RASAL2: variants seen among roughly 807,000 people sequenced by gnomAD.
RASAL2 encodes ras GTPase-activating protein nGAP.
RASAL2 carries 58 observed loss-of-function variants against 128.9 expected under a neutral mutation model. The ratio of observed to expected loss-of-function variants is 0.45; its 90% confidence interval spans 0.36 to 0.56. RASAL2 has a LOEUF of 0.56. Among genes scored for constraint, RASAL2 ranks in the 20% least tolerant of loss-of-function variants. RASAL2 has a pLI of 0.00. For synonymous variants in RASAL2, 561 were observed against 580.8 expected, an observed-to-expected ratio of 0.97 and a Z score of 0.49; for missense variants, 1,360 against 1,601.6, an observed-to-expected ratio of 0.85 and a Z score of 2.57.
chr1:178,246,785 GAATTTTATCAAAAGCTTTTTCTGC>G (rs574595403), intron 1 of RASAL2, among the ~76,000 whole-genome samples: 169 of 152,196 alleles, frequency 1.1e-3, no homozygotes, highest in African/African-American at 4.0e-3. Context: ...AAGGGGTTTT[GAATTTTATCAAAAGCTTTTTCTGC>G]ATCTATTGAG....
intron 1 of RASAL2, among the ~76,000 whole-genome samples, chr1:178,241,519 T>G (rs1664499070): frequency 6.6e-6 from 1 of 152,094 alleles, no homozygotes; most frequent in South Asian, 2.1e-4. Flanking sequence ...AAATGGAGAG[T>G]CAGTCTGAGA....
chr1:178,445,812 C>G, intron 9 of RASAL2, 150 bp downstream of exon 9: 1 of 750,550 alleles, frequency 1.3e-6, no homozygotes, highest in Non-Finnish European at 2.1e-6. Context: ...TGTAAGAAGT[C>G]TGCAGTACTC....
intron 1 of RASAL2, among the ~76,000 whole-genome samples, chr1:178,143,216 T>G (rs1660598312): frequency 1.3e-5 from 2 of 151,760 alleles, no homozygotes; most frequent in South Asian, 4.1e-4. Flanking sequence ...TCTTTGATAA[T>G]TTTAACATAG....
chr1:178,405,508 C>T (rs1435927795), intron 4 of RASAL2, among the ~76,000 whole-genome samples: 1 of 152,132 alleles, frequency 6.6e-6, no homozygotes, highest in Non-Finnish European at 1.5e-5. Context: ...AGTCAGATCA[C>T]GAGACTTTAA....
intron 3 of RASAL2, among the ~76,000 whole-genome samples, chr1:178,368,492 C>G (rs1033243293): frequency 3.7e-4 from 56 of 152,176 alleles, no homozygotes; most frequent in African/African-American, 1.2e-3. Context: ...CAAGCATTCT[C>G]CAGACACTTT....
intron 1 of RASAL2, among the ~76,000 whole-genome samples, chr1:178,241,434 A>G (rs1664494196): frequency 6.6e-6 from 1 of 152,088 alleles, no homozygotes; most frequent in Non-Finnish European, 1.5e-5. Flanking sequence ...GTGTGAGGAG[A>G]AATACTTTAG....
At chr1:178,386,019 C>G (rs1341870164) in intron 3 of RASAL2, among the ~76,000 whole-genome samples, 1 of 152,132 alleles carries the variant, frequency 6.6e-6, no homozygotes, top group Non-Finnish European at 1.5e-5. Flanking sequence ...CCTTAGGGTC[C>G]TCTCAAATAC....
intron 3 of RASAL2, among the ~76,000 whole-genome samples, chr1:178,348,429 G>C (rs1263477158): frequency 6.6e-6 from 1 of 151,850 alleles, no homozygotes; most frequent in Non-Finnish European, 1.5e-5. Flanking sequence ...GAGTAGCTGG[G>C]ACTATAGGTG....
At chr1:178,398,597 C>A (rs893669200) in intron 4 of RASAL2, among the ~76,000 whole-genome samples, 1 of 152,148 alleles carries the variant, frequency 6.6e-6, no homozygotes, top group Non-Finnish European at 1.5e-5. Flanking sequence ...GGCAAACATT[C>A]TTTCATTCAG....
rs79441079 is a variant in RASAL2, at chr1:178,181,419, G to A, written c.202+86725G>A. Among the ~76,000 whole-genome samples the A allele has an allele frequency of 2.2e-3, 327 of 151,310 alleles. 5 individuals are homozygous for A. In the East Asian group the frequency reaches 0.055, roughly 25 times the overall value. The stretch of plus-strand genomic sequence containing the variant: ...GTCACCCAGGCTGGAGTGCAGTGGC[G>A]CGATCTCAGCTCACTGCAAGCTCTG... On this transcript the variant is annotated intron_variant, in intron 1 of 17. Coordinates refer to ENST00000367649, the MANE Select transcript of RASAL2 (RefSeq NM_170692.4).
chr1:178,419,261 A>G (rs1674976553), intron 4 of RASAL2, among the ~76,000 whole-genome samples: 1 of 151,960 alleles, frequency 6.6e-6, no homozygotes, highest in Non-Finnish European at 1.5e-5. Flanking sequence ...TTTGCTTGAA[A>G]AATTTTGTTT....
chr1:178,464,415 A>G lies in RASAL2; in HGVS notation c.3387+3A>G. On this transcript the variant is annotated splice_donor_region_variant and intron_variant, in intron 15 of 17. Transcript: ENST00000367649. ...ATGAAGCCAAGCATGCTGAGAAGGT[A>G]GAACCTAGTCTGCTTCATCAACTTT... 1 of 1,613,282 alleles carries G rather than the reference A, an allele frequency of 6.2e-7. No homozygotes were observed. Among genetic ancestry groups the G allele is most frequent in the Non-Finnish European group, 8.5e-7 (1 of 1,179,644 alleles).
chr1:178,422,885 G>A (rs1675251207), intron 5 of RASAL2, among the ~76,000 whole-genome samples: 1 of 151,892 alleles, frequency 6.6e-6, no homozygotes, highest in Non-Finnish European at 1.5e-5. Flanking sequence ...TTGTTTTGGA[G>A]GGGGAAAAGT....
At chr1:178,427,907 C>G (rs1675627460) in intron 5 of RASAL2, among the ~76,000 whole-genome samples, 1 of 152,098 alleles carries the variant, frequency 6.6e-6, no homozygotes, top group Admixed American at 6.6e-5. Context: ...TATGCTACCC[C>G]TTTATAGTCA....
At chr1:178,372,523 AAG>A (rs542596790) in intron 3 of RASAL2, among the ~76,000 whole-genome samples, 5 of 152,318 alleles carry the variant, frequency 3.3e-5, no homozygotes, top group African/African-American at 2.4e-5. Context: ...TATGAGAAAT[AAG>A]AGAGAGATTG....
chr1:178,155,546 G>A (rs1352358664), intron 1 of RASAL2, among the ~76,000 whole-genome samples: 1 of 149,740 alleles, frequency 6.7e-6, no homozygotes, highest in Non-Finnish European at 1.5e-5. Context: ...ATCTGTTACT[G>A]TCTTCCAGGG....
At chr1:178,175,662 A>T (rs911467806) in intron 1 of RASAL2, among the ~76,000 whole-genome samples, 14 of 144,570 alleles carry the variant, frequency 9.7e-5, no homozygotes, top group Non-Finnish European at 1.8e-4. Flanking sequence ...TGTACCCTAT[A>T]TGTAGGTTTT....
intron 1 of RASAL2, among the ~76,000 whole-genome samples, chr1:178,138,346 T>C (rs1342208933): frequency 6.6e-6 from 1 of 152,202 alleles, no homozygotes; most frequent in Non-Finnish European, 1.5e-5. Context: ...TTGTACATTG[T>C]TGTCATAATG....
chr1:178,467,295 C>G lies in RASAL2; in HGVS notation c.3591-39C>G, dbSNP rs757456355. 3 of 1,546,392 alleles carry G rather than the reference C, an allele frequency of 1.9e-6. No individual in the cohort carries two copies. The East Asian group carries it at 6.8e-5, about 35-fold the overall frequency. ...TGTTCTCTACACTAGCTAGCCCTTTCTTTGAAGATGTTGATATTTCCTTCC... is the reference window on the plus strand; with the variant it reads ...TGTTCTCTACACTAGCTAGCCCTTTGTTTGAAGATGTTGATATTTCCTTCC... On this transcript the variant is annotated intron_variant, in intron 16 of 17. Transcript: ENST00000367649.
Sources: allele counts gnomAD v4.1 joint callset (sites outside exome capture counted in the v4.1 genomes callset), GRCh38; gene constraint gnomAD v4.1.1; transcripts MANE v1.5; gene names NCBI Gene and HGNC (gene_info 2026-07-23, HGNC 2026-07-21).